Variants in DCAF7 observed in about 807,000 individuals in gnomAD.
DCAF7 encodes DDB1- and CUL4-associated factor 7.
Under a neutral mutation model 41.2 loss-of-function variants are expected in DCAF7, and 4 were observed. The ratio of observed to expected loss-of-function variants is 0.10; its 90% confidence interval spans 0.05 to 0.22. The LOEUF (loss-of-function observed/expected upper bound fraction) is 0.22. Ranked by LOEUF, DCAF7 falls within the 10% of genes least tolerant of loss-of-function variation. The pLI, the probability that DCAF7 is intolerant of heterozygous loss-of-function variation, is 1.00. For synonymous variants in DCAF7, 143 were observed against 164.2 expected (o/e 0.87, Z 0.99); for missense variants, 131 against 443.2 (o/e 0.30, Z 6.32).
At chr17:63,583,353 T>G (rs2033644132) in intron 4 of DCAF7, 149 bp from the exon 5 acceptor site, 1 of 723,896 alleles carries the variant, frequency 1.4e-6, no homozygotes, top group Admixed American at 2.1e-5. Context: ...GCTCTCGGGT[T>G]TCAGTACTCA....
intron 1 of DCAF7, among the ~76,000 whole-genome samples, chr17:63,559,425 A>T: frequency 9.7e-6 from 1 of 103,426 alleles, no homozygotes; most frequent in East Asian, 2.2e-4. Context: ...ATATACGTAT[A>T]TATATATGTG....
chr17:63,578,065 C>G (rs992351707), intron 1 of DCAF7, among the ~76,000 whole-genome samples: 1 of 152,128 alleles, frequency 6.6e-6, no homozygotes, highest in South Asian at 2.1e-4. Context: ...AGTACAGTGT[C>G]AAGACTTCTG....
Position 63,550,676 on chromosome 17 carries a change from C to T in DCAF7, c.-2C>T. 1 of 1,613,390 alleles carries T rather than the reference C, an allele frequency of 6.2e-7. No individual in the cohort carries two copies. The highest frequency in any genetic ancestry group is 8.5e-7 in the Non-Finnish European group (1 of 1,179,754). On this transcript the variant is annotated 5_prime_UTR_variant, in exon 1 of 7. Coordinates refer to ENST00000614556, the MANE Select transcript of DCAF7 (RefSeq NM_005828.5). This position sits in a 1 kb window ranked among gnomAD's most constrained non-coding sequence, Gnocchi z 4.8. Reference sequence around the variant, plus strand: ...GGCCCGTACTGCGGCCCCGTGGCCACCATGTCCCTGCACGGCAAACGGAAG... The same window carrying T: ...GGCCCGTACTGCGGCCCCGTGGCCATCATGTCCCTGCACGGCAAACGGAAG...
At chr17:63,586,374 G>A (rs903377330) in intron 6 of DCAF7, among the ~76,000 whole-genome samples, 9 of 151,708 alleles carry the variant, frequency 5.9e-5, no homozygotes, top group African/African-American at 2.2e-4. Context: ...AGGATCCCTT[G>A]AGCCCAGGAG....
chr17:63,579,354 C>A lies in DCAF7; in HGVS notation c.315C>A (p.Thr105=). The change falls in exon 3 of 7, where the codon ACC becomes ACA. Residue 105 remains threonine, a synonymous_variant. Transcript: ENST00000614556. The part of the protein sequence containing the change: ...LRVWRVGETE[T]RLECLLNNNK... ...TCCTTCAGGTTGGTGAAACAGAGAC[C>A]AGGCTGGAGTGTTTGCTAAACAATA... 6.2e-7 allele frequency: 1 copy of A among 1,603,482 alleles called. No individual in the cohort carries two copies. Among genetic ancestry groups the A allele is most frequent in the Non-Finnish European group, 8.5e-7 (1 of 1,174,640 alleles).
chr17:63,576,070 A>G (rs2033558766), intron 1 of DCAF7, among the ~76,000 whole-genome samples: 1 of 152,258 alleles, frequency 6.6e-6, no homozygotes. Flanking sequence ...CTGATTTTCA[A>G]TAAAGGGGTC....
rs548332377 is a variant in DCAF7 at position 63,559,471 on chromosome 17, G to A, written c.138+8656G>A. The stretch of plus-strand genomic sequence containing the variant: ...TATATATATATATTTTTAATAATTG[G>A]TATTGAAACCAGAAAAAAAAATTGG... On this transcript the variant is annotated intron_variant, in intron 1 of 6. Coordinates refer to ENST00000614556, the MANE Select transcript of DCAF7 (RefSeq NM_005828.5). Among the ~76,000 whole-genome samples the A allele has an allele frequency of 5.1e-4, 71 of 140,018 alleles. No homozygotes were observed. The South Asian group carries it at 7.8e-3, about 15-fold the overall frequency. 91.9% of individuals were successfully genotyped at this position (140,018 alleles called of 152,430 possible).
chr17:63,567,601 T>C (rs1162060648), intron 1 of DCAF7, among the ~76,000 whole-genome samples: 2 of 152,220 alleles, frequency 1.3e-5, no homozygotes, highest in East Asian at 1.9e-4. Flanking sequence ...TGCTAAACTC[T>C]AGTCGTAGGC....
chr17:63,552,980 C>A (rs917567061), intron 1 of DCAF7, among the ~76,000 whole-genome samples: 2 of 152,206 alleles, frequency 1.3e-5, no homozygotes, highest in Non-Finnish European at 2.9e-5. Flanking sequence ...TGTGCCTCCA[C>A]CTATCAGTAG....
intron 1 of DCAF7, among the ~76,000 whole-genome samples, chr17:63,572,554 A>G (rs963697366): frequency 6.6e-6 from 1 of 152,178 alleles, no homozygotes; most frequent in African/African-American, 2.4e-5. Context: ...CTTGGGAGGA[A>G]ATCTCTGATG....
At chr17:63,581,787 A>ATAGCACCTTTC (rs1487294047) in intron 4 of DCAF7, among the ~76,000 whole-genome samples, 1 of 152,238 alleles carries the variant, frequency 6.6e-6, no homozygotes, top group Non-Finnish European at 1.5e-5. Context: ...AGAAACAGTA[A>ATAGCACCTTTC]TAGCACCTTT....
chr17:63,554,066 A>G (rs1013460699), intron 1 of DCAF7, among the ~76,000 whole-genome samples: 1 of 152,130 alleles, frequency 6.6e-6, no homozygotes, highest in Non-Finnish European at 1.5e-5. Context: ...TTAGCCAGGT[A>G]TGGTGGCATC....
Position 63,550,688 on chromosome 17 carries a change from AC to A in DCAF7, c.12del (p.His4GlnfsTer19). The A allele has an allele frequency of 1.2e-6, 2 of 1,613,486 alleles. No individual in the cohort carries two copies. Among genetic ancestry groups the A allele is most frequent in the Non-Finnish European group, 1.7e-6 (2 of 1,179,784 alleles). On this transcript the variant is annotated frameshift_variant, in exon 1 of 7. Transcript: ENST00000614556. LOFTEE classifies it high-confidence loss of function. This position sits in a 1 kb window ranked among gnomAD's most constrained non-coding sequence, Gnocchi z 4.8. ...GGCCCCGTGGCCACCATGTCCCTGC[AC>A]GGCAAACGGAAGGAGATCTACAAGT... MSL[H>X]GKRKEIYKYE...
intron 1 of DCAF7, among the ~76,000 whole-genome samples, chr17:63,574,043 C>T (rs117738150): frequency 2.6e-4 from 40 of 152,290 alleles, no homozygotes; most frequent in Non-Finnish European, 3.5e-4. Flanking sequence ...ACCCTCAGCA[C>T]ACCTTCCCAG....
chr17:63,579,122 T>C, intron 2 of DCAF7, among the ~76,000 whole-genome samples: 1 of 152,076 alleles, frequency 6.6e-6, no homozygotes. Context: ...TCTAGGAAGG[T>C]GCAGGGATGA....
intron 1 of DCAF7, among the ~76,000 whole-genome samples, chr17:63,557,630 A>G (rs1188728031): frequency 6.6e-6 from 1 of 152,224 alleles, no homozygotes; most frequent in Non-Finnish European, 1.5e-5. Context: ...AGATGCAGAA[A>G]GTAAAAGAGA....
chr17:63,564,161 A>T (rs919255706), intron 1 of DCAF7, among the ~76,000 whole-genome samples: 1 of 151,200 alleles, frequency 6.6e-6, no homozygotes, highest in Admixed American at 6.6e-5. Flanking sequence ...ACACACACAC[A>T]CATACACATA....
chr17:63,550,676 C>G lies in DCAF7; in HGVS notation c.-2C>G. ...GGCCCGTACTGCGGCCCCGTGGCCACCATGTCCCTGCACGGCAAACGGAAG... is the reference window on the plus strand; with the variant it reads ...GGCCCGTACTGCGGCCCCGTGGCCAGCATGTCCCTGCACGGCAAACGGAAG... On this transcript the variant is annotated 5_prime_UTR_variant, in exon 1 of 7. Transcript: ENST00000614556. This position sits in a 1 kb window ranked among gnomAD's most constrained non-coding sequence, Gnocchi z 4.8. 6.2e-7 allele frequency: 1 copy of G among 1,613,390 alleles called. No individual in the cohort carries two copies. Among genetic ancestry groups the G allele is most frequent in the Non-Finnish European group, 8.5e-7 (1 of 1,179,754 alleles).
chr17:63,574,577 A>G (rs758949528), intron 1 of DCAF7, among the ~76,000 whole-genome samples: 1 of 152,222 alleles, frequency 6.6e-6, no homozygotes, highest in African/African-American at 2.4e-5. Context: ...AGCTACTAAA[A>G]CTAATAACTA....
Sources: allele counts gnomAD v4.1 joint callset (sites outside exome capture counted in the v4.1 genomes callset), GRCh38; gene constraint gnomAD v4.1.1; non-coding constraint Gnocchi (gnomAD v3.1); transcripts MANE v1.5; gene names NCBI Gene and HGNC (gene_info 2026-07-23, HGNC 2026-07-21).